NIPSNAP2: variants seen among roughly 807,000 people sequenced by gnomAD.
NIPSNAP2 encodes the protein nipsnap homolog 2.
A neutral mutation model predicts 48.4 loss-of-function variants in NIPSNAP2; 42 were observed. The observed-to-expected ratio is 0.87, with a 90% CI of 0.68 to 1.12. The LOEUF is 1.12. NIPSNAP2 is among the 50% of genes most tolerant of loss of function. The pLI is 0.00. For synonymous variants in NIPSNAP2, 158 were observed against 126.6 expected (o/e 1.25, Z -1.67); for missense variants, 314 against 347.3 (o/e 0.90, Z 0.76).
intron 1 of NIPSNAP2, among the ~76,000 whole-genome samples, chr7:55,967,052 C>G (rs1252475561): frequency 1.3e-5 from 2 of 152,244 alleles, no homozygotes; most frequent in East Asian, 1.9e-4. Flanking sequence ...TCCCGGGAGC[C>G]TCATCCCTGC....
rs1033076619 is a variant in NIPSNAP2, at chr7:55,968,093, C to T, written c.92+3392C>T. On this transcript the variant is annotated intron_variant, in intron 1 of 9. Transcript: ENST00000322090. ...GTGTGAGCCATTGTGCCCAGCCACACGTCTAAAGAATTCTAAGCGGACATT... is the reference window on the plus strand; with the variant it reads ...GTGTGAGCCATTGTGCCCAGCCACATGTCTAAAGAATTCTAAGCGGACATT... 3.9e-5 allele frequency among the ~76,000 whole-genome samples: 6 copies of T among 152,080 alleles called. No individual in the cohort carries two copies. In the East Asian group the frequency reaches 5.8e-4, roughly 15 times the overall value.
intron 4 of NIPSNAP2, 104 bp from the exon 5 acceptor site, chr7:55,982,106 G>A: frequency 1.5e-6 from 1 of 650,008 alleles, no homozygotes; most frequent in Non-Finnish European, 2.7e-6. Flanking sequence ...CACACACCCA[G>A]CCTACAGTTT....
At chr7:55,967,393 C>T (rs1786916794) in intron 1 of NIPSNAP2, among the ~76,000 whole-genome samples, 1 of 152,212 alleles carries the variant, frequency 6.6e-6, no homozygotes, top group Non-Finnish European at 1.5e-5. Context: ...TGCCCTAGCT[C>T]AACCCTCAGC....
At chr7:55,966,640 G>A (rs1009819452) in intron 1 of NIPSNAP2, among the ~76,000 whole-genome samples, 5 of 152,034 alleles carry the variant, frequency 3.3e-5, no homozygotes, top group African/African-American at 7.2e-5. Context: ...AAATTAGCCC[G>A]GCATGGTGGC....
chr7:55,978,122 A>T lies in NIPSNAP2; in HGVS notation c.93-4A>T. On this transcript the variant is annotated splice_region_variant and splice_polypyrimidine_tract_variant and intron_variant, in intron 1 of 9. Coordinates refer to ENST00000322090, the MANE Select transcript of NIPSNAP2 (RefSeq NM_001483.3). Reference sequence around the variant, plus strand: ...TGCGTGACAACACCTTTGTTATTCCATAGGACATGGACATCTTCCAGCAAC... The same window carrying T: ...TGCGTGACAACACCTTTGTTATTCCTTAGGACATGGACATCTTCCAGCAAC... 1 of 1,614,054 alleles carries T rather than the reference A, an allele frequency of 6.2e-7. No individual in the cohort carries two copies. The highest frequency in any genetic ancestry group is 8.5e-7 in the Non-Finnish European group (1 of 1,179,988).
At chr7:55,998,767 G>A (rs1787621122) in intron 9 of NIPSNAP2, among the ~76,000 whole-genome samples, 1 of 152,082 alleles carries the variant, frequency 6.6e-6, no homozygotes, top group Non-Finnish European at 1.5e-5. Flanking sequence ...CCAAAGTGCT[G>A]GGATTACAGG....
intron 7 of NIPSNAP2, among the ~76,000 whole-genome samples, chr7:55,986,350 A>G (rs1463103547): frequency 6.6e-6 from 1 of 151,930 alleles, no homozygotes; most frequent in Non-Finnish European, 1.5e-5. Flanking sequence ...GGGAGAGAAT[A>G]AGACCCTGTC....
intron 5 of NIPSNAP2, 137 bp from the exon 6 acceptor site, chr7:55,983,591 T>TAAA: frequency 1.4e-6 from 1 of 692,180 alleles, no homozygotes. Context: ...TCAACAGATG[T>TAAA]AAACTGGGAC....
chr7:55,998,942 G>GT (rs1269615039), intron 9 of NIPSNAP2, 66 bp from the exon 10 acceptor site: 26 of 1,275,498 alleles, frequency 2.0e-5, no homozygotes, highest in Non-Finnish European at 2.4e-5. Flanking sequence ...CAATCTGTCT[G>GT]TTAGTGTCAT....
chr7:55,966,149 C>T (rs918526660), intron 1 of NIPSNAP2, among the ~76,000 whole-genome samples: 1 of 152,156 alleles, frequency 6.6e-6, no homozygotes, highest in Non-Finnish European at 1.5e-5. Flanking sequence ...TTTGTGAAGG[C>T]TGTGTGCTAT....
At chr7:55,965,023 C>G (rs1172573090) in intron 1 of NIPSNAP2, 1 of 159,382 alleles carries the variant, frequency 6.3e-6, no homozygotes, top group African/African-American at 2.4e-5. Flanking sequence ...CGACCCGTGG[C>G]CAGGGACAGG....
intron 1 of NIPSNAP2, among the ~76,000 whole-genome samples, chr7:55,969,730 T>C (rs991682036): frequency 4.6e-5 from 7 of 152,112 alleles, no homozygotes; most frequent in African/African-American, 1.7e-4. Flanking sequence ...ACGCCTGTAA[T>C]CCCAGAACTT....
chr7:55,983,542 T>C (rs532795480), intron 5 of NIPSNAP2, among the ~76,000 whole-genome samples, 186 bp from the exon 6 acceptor site: 2 of 152,282 alleles, frequency 1.3e-5, no homozygotes, highest in South Asian at 2.1e-4. Flanking sequence ...CTGGACACTT[T>C]TGAGAATGAA....
intron 5 of NIPSNAP2, among the ~76,000 whole-genome samples, chr7:55,983,442 C>T (rs1787262394): frequency 6.6e-6 from 1 of 152,224 alleles, no homozygotes; most frequent in African/African-American, 2.4e-5. Context: ...CCATCAAACA[C>T]TGTTAGAAGA....
chr7:55,979,990 C>G, intron 3 of NIPSNAP2: 1 of 388,618 alleles, frequency 2.6e-6, no homozygotes, highest in East Asian at 7.2e-5. Flanking sequence ...GGCCCCGTTG[C>G]CAGGCCCCTT....
At chr7:55,994,804 C>G in intron 7 of NIPSNAP2, 90 bp from the exon 8 acceptor site, 1 of 1,042,842 alleles carries the variant, frequency 9.6e-7, no homozygotes. Flanking sequence ...TTTAAACAGC[C>G]TGCCCTGAGT....
At chr7:55,979,455 C>T (rs1436825586) in intron 3 of NIPSNAP2, 1 of 213,602 alleles carries the variant, frequency 4.7e-6, no homozygotes, top group Admixed American at 5.3e-5. Context: ...ACTTCCCTGT[C>T]TGTGCCACTC....
At chr7:55,976,428 C>T (rs1010515506) in intron 1 of NIPSNAP2, among the ~76,000 whole-genome samples, 5 of 152,186 alleles carry the variant, frequency 3.3e-5, no homozygotes, top group African/African-American at 1.2e-4. Flanking sequence ...GTGCACCTGT[C>T]TAAATATAGC....
rs991871532 is a variant in NIPSNAP2 at position 55,995,064 on chromosome 7, C to T, written c.712+76C>T. The T allele has an allele frequency of 3.3e-6, 4 of 1,218,332 alleles. No homozygotes were observed. In the African/African-American group the frequency reaches 5.9e-5, roughly 18 times the overall value. The allele number at this position is 1,218,332 out of a possible 1,614,324, so 75.5% of individuals were successfully genotyped here. On this transcript the variant is annotated intron_variant, in intron 8 of 9. Transcript: ENST00000322090. ...AGTTGTACTGGGAAGTAGAGCACATCTTGAGTCAGTAACCTTAACCACTAC... is the reference window on the plus strand; with the variant it reads ...AGTTGTACTGGGAAGTAGAGCACATTTTGAGTCAGTAACCTTAACCACTAC...
Sources: allele counts gnomAD v4.1 joint callset (sites outside exome capture counted in the v4.1 genomes callset), GRCh38; gene constraint gnomAD v4.1.1; transcripts MANE v1.5; gene names NCBI Gene and HGNC (gene_info 2026-07-23, HGNC 2026-07-21).